Variants in HS6ST3 observed in about 807,000 individuals in gnomAD.
HS6ST3 encodes heparan-sulfate 6-O-sulfotransferase 3.
Under a neutral mutation model 36.7 loss-of-function variants are expected in HS6ST3, and 12 were observed. The observed-to-expected ratio is 0.33, with a 90% CI of 0.21 to 0.53. The LOEUF (loss-of-function observed/expected upper bound fraction) is 0.53. Ranked by LOEUF, HS6ST3 falls within the 20% of genes least tolerant of loss-of-function variation. The pLI is 0.95. For missense variants in HS6ST3, 584 were observed against 640.9 expected (o/e 0.91, Z 0.96); for synonymous variants, 240 against 257.5 (o/e 0.93, Z 0.65).
At chr13:96,474,089 G>A (rs1202171775) in intron 1 of HS6ST3, among the ~76,000 whole-genome samples, 3 of 146,328 alleles carry the variant, frequency 2.1e-5, no homozygotes, top group South Asian at 4.2e-4. Flanking sequence ...ATCAATGAGA[G>A]GAAAATGGCC....
At chr13:96,775,437 A>G (rs949993901) in intron 1 of HS6ST3, among the ~76,000 whole-genome samples, 1 of 147,844 alleles carries the variant, frequency 6.8e-6, no homozygotes, top group Non-Finnish European at 1.5e-5. Context: ...CAGGAGATGC[A>G]TCTCACGTGC....
intron 1 of HS6ST3, among the ~76,000 whole-genome samples, chr13:96,235,039 A>T (rs2054527734): frequency 6.6e-6 from 1 of 152,222 alleles, no homozygotes. Context: ...ATATAAAAAT[A>T]GTAAATTGCA....
At chr13:96,309,059 T>TTGG (rs1322409531) in intron 1 of HS6ST3, among the ~76,000 whole-genome samples, 1 of 152,146 alleles carries the variant, frequency 6.6e-6, no homozygotes, top group East Asian at 1.9e-4. Flanking sequence ...GAATTTGAGA[T>TTGG]CAAATACACA....
intron 1 of HS6ST3, among the ~76,000 whole-genome samples, chr13:96,602,825 T>G (rs1411259933): frequency 6.6e-6 from 1 of 152,084 alleles, no homozygotes; most frequent in Non-Finnish European, 1.5e-5. Flanking sequence ...AACGTTGGAG[T>G]CCAAGGTAAA....
At chr13:96,740,945 G>A (rs532055723) in intron 1 of HS6ST3, among the ~76,000 whole-genome samples, 6 of 152,308 alleles carry the variant, frequency 3.9e-5, no homozygotes, top group South Asian at 2.1e-4. Context: ...ATAGCAGCAC[G>A]TAACTGTGGG....
At chr13:96,501,065 C>T (rs1030184471) in intron 1 of HS6ST3, among the ~76,000 whole-genome samples, 1 of 151,898 alleles carries the variant, frequency 6.6e-6, no homozygotes, top group African/African-American at 2.4e-5. Context: ...AATATATAGC[C>T]CACCTATCTA....
Position 96,160,208 on chromosome 13 carries a change from G to C in HS6ST3, c.707+68639G>C, listed in dbSNP as rs970041204. Among the ~76,000 whole-genome samples, 7 of 152,110 alleles carry C rather than the reference G, an allele frequency of 4.6e-5. No individual in the cohort carries two copies. In the East Asian group the frequency reaches 1.3e-3, roughly 29 times the overall value. On this transcript the variant is annotated intron_variant, in intron 1 of 1. Coordinates refer to ENST00000376705, the MANE Select transcript of HS6ST3 (RefSeq NM_153456.4). ...TGTATGTAAGGAAAATGCTGAAAAT[G>C]GTAGAAATTAATATACACTAAATCT...
chr13:96,305,462 C>T (rs956727942), intron 1 of HS6ST3, among the ~76,000 whole-genome samples: 9 of 152,078 alleles, frequency 5.9e-5, no homozygotes, highest in Admixed American at 5.9e-4. Context: ...TCAGACAGCT[C>T]TGTGTTTGCA....
intron 1 of HS6ST3, among the ~76,000 whole-genome samples, chr13:96,489,696 CTAA>C (rs2055935259): frequency 6.6e-6 from 1 of 151,930 alleles, no homozygotes; most frequent in African/African-American, 2.4e-5. Flanking sequence ...TAAGAGTTTC[CTAA>C]GTGCCAGGCA....
intron 1 of HS6ST3, among the ~76,000 whole-genome samples, chr13:96,748,688 A>T (rs1876623266): frequency 6.6e-6 from 1 of 151,992 alleles, no homozygotes; most frequent in African/African-American, 2.4e-5. Flanking sequence ...ATGAAGTGTC[A>T]CTTGAGTGCT....
chr13:96,416,813 C>G (rs546849448), intron 1 of HS6ST3, among the ~76,000 whole-genome samples: 1 of 149,284 alleles, frequency 6.7e-6, no homozygotes, highest in East Asian at 2.0e-4. Flanking sequence ...AGTGCAGTGG[C>G]ACGATCTCGG....
chr13:96,804,147 CAA>C (rs113872118), intron 1 of HS6ST3, among the ~76,000 whole-genome samples: 33 of 128,702 alleles, frequency 2.6e-4, no homozygotes, highest in Admixed American at 3.2e-4. Flanking sequence ...CCTGTTTTGC[CAA>C]AAAAAAAAAA....
chr13:96,227,947 A>T (rs1054034080), intron 1 of HS6ST3, among the ~76,000 whole-genome samples: 1 of 152,088 alleles, frequency 6.6e-6, no homozygotes, highest in Non-Finnish European at 1.5e-5. Context: ...TTCTCTTTTT[A>T]TCTCTACTTA....
chr13:96,519,870 C>A (rs2138926152), intron 1 of HS6ST3, among the ~76,000 whole-genome samples: 1 of 152,222 alleles, frequency 6.6e-6, no homozygotes, highest in Admixed American at 6.5e-5. Flanking sequence ...ATACTTAGGT[C>A]TTGATTTGGA....
intron 1 of HS6ST3, among the ~76,000 whole-genome samples, chr13:96,552,974 G>C (rs1220167774): frequency 6.6e-6 from 1 of 152,124 alleles, no homozygotes; most frequent in East Asian, 1.9e-4. Context: ...TCTTACAGGG[G>C]TTTGAGTTGT....
intron 1 of HS6ST3, among the ~76,000 whole-genome samples, chr13:96,122,476 C>T (rs1478459806): frequency 1.3e-5 from 2 of 152,194 alleles, no homozygotes; most frequent in Non-Finnish European, 2.9e-5. Flanking sequence ...ATATATTTCT[C>T]TGCTCACATT....
At chr13:96,601,112 G>A (rs625346) in intron 1 of HS6ST3, among the ~76,000 whole-genome samples, 56,161 of 151,660 alleles carry the variant, frequency 0.37, 10,630 homozygotes, top group East Asian at 0.62. Flanking sequence ...TTTCCATGTC[G>A]ACTTTAGATA....
chr13:96,826,881 A>T (rs1309350347), intron 1 of HS6ST3, among the ~76,000 whole-genome samples: 1 of 152,154 alleles, frequency 6.6e-6, no homozygotes, highest in Non-Finnish European at 1.5e-5. Flanking sequence ...TCATTCCCTA[A>T]TCTTTCTCAG....
At chr13:96,304,354 A>G (rs945608023) in intron 1 of HS6ST3, among the ~76,000 whole-genome samples, 1 of 152,100 alleles carries the variant, frequency 6.6e-6, no homozygotes, top group Non-Finnish European at 1.5e-5. Flanking sequence ...TTTTCTTCTC[A>G]ATTCTTTAAT....
Sources: gnomAD v4.1 joint callset for allele counts (sites outside exome capture counted in the v4.1 genomes callset) on GRCh38, gnomAD v4.1.1 for gene constraint, MANE v1.5 for transcripts, NCBI Gene and HGNC (gene_info 2026-07-23, HGNC 2026-07-21) for gene names.